INPP4B: variants seen among roughly 807,000 people sequenced by gnomAD.
INPP4B encodes inositol polyphosphate-4-phosphatase type II B, also known as inositol polyphosphate 4-phosphatase type II.
A neutral mutation model predicts 122.5 loss-of-function variants in INPP4B; 55 were observed. The observed-to-expected ratio is 0.45, with a 90% confidence interval of 0.36 to 0.56. INPP4B has a LOEUF of 0.56. Ranked by LOEUF, INPP4B falls within the 20% of genes least tolerant of loss-of-function variation. INPP4B has a pLI of 0.00. For missense variants in INPP4B, 1,000 were observed against 1,097.7 expected, an observed-to-expected ratio of 0.91 and a Z score of 1.26; for synonymous variants, 403 against 388.7, an observed-to-expected ratio of 1.04 and a Z score of -0.43.
At chr4:142,144,222 TACACACACACACACACACACACACAC>T (rs35496129) in intron 18 of INPP4B, among the ~76,000 whole-genome samples, 2 of 145,036 alleles carry the variant, frequency 1.4e-5, no homozygotes, top group Non-Finnish European at 3.0e-5. Flanking sequence ...AAATACAAGA[TACACACACACACACACACACACACAC>T]ACACACACAC....
chr4:142,382,556 C>A (rs1468392581), intron 7 of INPP4B, among the ~76,000 whole-genome samples: 2 of 114,396 alleles, frequency 1.7e-5, no homozygotes, highest in African/African-American at 4.1e-5. Flanking sequence ...TATATATTTA[C>A]ATTTATGTTT....
rs912709637 is a variant in INPP4B, at chr4:142,186,736, A to C, written c.1181+6351T>G. 5.3e-5 allele frequency among the ~76,000 whole-genome samples: 8 copies of C among 152,332 alleles called. 1 individual carries two copies. The South Asian group carries it at 1.7e-3, about 32-fold the overall frequency. On this transcript the variant is annotated intron_variant, in intron 15 of 25. Transcript: ENST00000262992. ...TTTTGTATACAGCTACAATGAAAAT[A>C]AAAAAGGAGGAAAAACTGCATTACA...
intron 2 of INPP4B, among the ~76,000 whole-genome samples, chr4:142,528,293 T>C (rs953119986): frequency 6.6e-6 from 1 of 152,094 alleles, no homozygotes; most frequent in Non-Finnish European, 1.5e-5. Flanking sequence ...CTGGCTCAAG[T>C]GCTTACAAGG....
At position 142,670,947 on chromosome 4, in the gene INPP4B, A is replaced by G. The variant is rs1416827373; in HGVS notation, c.-191+54892T>C. Among the ~76,000 whole-genome samples the G allele has an allele frequency of 3.9e-5, 6 of 152,068 alleles. No individual in the cohort carries two copies. In the East Asian group the frequency reaches 1.2e-3, roughly 29 times the overall value. ...TTTTATCTATTAATTTTTTTAAAGAAAGAGGGGAAGCTAGAAGCCTAGATA... is the reference window on the plus strand; with the variant it reads ...TTTTATCTATTAATTTTTTTAAAGAGAGAGGGGAAGCTAGAAGCCTAGATA... On this transcript the variant is annotated intron_variant, in intron 2 of 25. Coordinates refer to ENST00000262992, the MANE Select transcript of INPP4B (RefSeq NM_001101669.3).
intron 2 of INPP4B, among the ~76,000 whole-genome samples, chr4:142,518,545 T>A (rs1825697939): frequency 6.6e-6 from 1 of 152,126 alleles, no homozygotes; most frequent in Non-Finnish European, 1.5e-5. Flanking sequence ...GATTGTCACA[T>A]TCTGTTACAC....
At chr4:142,307,162 G>A (rs1579683292) in intron 8 of INPP4B, among the ~76,000 whole-genome samples, 1 of 152,130 alleles carries the variant, frequency 6.6e-6, no homozygotes, top group East Asian at 1.9e-4. Flanking sequence ...TATCAGCAAA[G>A]CATGCAGAAA....
chr4:142,450,086 G>A (rs1232086884), intron 3 of INPP4B, among the ~76,000 whole-genome samples: 1 of 152,084 alleles, frequency 6.6e-6, no homozygotes, highest in African/African-American at 2.4e-5. Context: ...CCTTGCCATA[G>A]AGCAGCCCCG....
chr4:142,655,426 C>G (rs1003354878), intron 2 of INPP4B, among the ~76,000 whole-genome samples: 2 of 152,170 alleles, frequency 1.3e-5, no homozygotes, highest in African/African-American at 4.8e-5. Flanking sequence ...TGGCCCAAGT[C>G]TAAGTAAAAG....
intron 15 of INPP4B, 22 bp downstream of exon 15, chr4:142,193,065 C>T (rs375740311): frequency 7.1e-7 from 1 of 1,407,244 alleles, no homozygotes; most frequent in Non-Finnish European, 1.0e-6. Flanking sequence ...GGAATCTGTG[C>T]TTTCCTCCTG....
At chr4:142,289,405 G>A (rs746085753) in intron 9 of INPP4B, among the ~76,000 whole-genome samples, 10 of 152,058 alleles carry the variant, frequency 6.6e-5, no homozygotes, top group African/African-American at 9.7e-5. Context: ...TCAAGGGTAC[G>A]TGTGCAGGAC....
intron 23 of INPP4B, 61 bp downstream of exon 23, chr4:142,108,032 T>C (rs1788034169): frequency 1.1e-6 from 1 of 872,496 alleles, no homozygotes; most frequent in Non-Finnish European, 1.9e-6. Flanking sequence ...ATGTCTGACC[T>C]CTTCTAAAGA....
At chr4:142,398,425 T>A (rs1457432079) in intron 7 of INPP4B, among the ~76,000 whole-genome samples, 59 of 102,758 alleles carry the variant, frequency 5.7e-4, no homozygotes, top group African/African-American at 1.8e-3. Flanking sequence ...TATATATATA[T>A]ATATATATAT....
Position 142,266,332 on chromosome 4 carries a change from C to A in INPP4B, c.615+4331G>T, listed in dbSNP as rs535408267. ...TTAATAACCTGATTTAAACCTTGGG[C>A]CTTCTTAAAATATTTTTATAATGTG... On this transcript the variant is annotated intron_variant, in intron 10 of 25. Coordinates refer to ENST00000262992, the MANE Select transcript of INPP4B (RefSeq NM_001101669.3). 2.0e-5 allele frequency among the ~76,000 whole-genome samples: 3 copies of A among 152,014 alleles called. No individual in the cohort carries two copies. The South Asian group carries it at 6.2e-4, about 32-fold the overall frequency.
chr4:142,104,263 C>T (rs773106266), intron 23 of INPP4B, among the ~76,000 whole-genome samples: 12 of 152,264 alleles, frequency 7.9e-5, no homozygotes, highest in South Asian at 2.1e-4. Context: ...ATGTATGAGA[C>T]GCAGTGGTGA....
chr4:142,822,510 C>A (rs1351242956), intron 1 of INPP4B, among the ~76,000 whole-genome samples: 1 of 152,232 alleles, frequency 6.6e-6, no homozygotes, highest in East Asian at 1.9e-4. Context: ...CATAGAAGTG[C>A]AAACCCTATT....
chr4:142,651,526 T>C (rs991623523), intron 2 of INPP4B, among the ~76,000 whole-genome samples: 1 of 152,068 alleles, frequency 6.6e-6, no homozygotes, highest in African/African-American at 2.4e-5. Flanking sequence ...CAATAAAAAC[T>C]GATAAAGGGG....
intron 2 of INPP4B, among the ~76,000 whole-genome samples, chr4:142,514,072 A>G (rs543858809): frequency 7.2e-5 from 11 of 152,298 alleles, no homozygotes; most frequent in Middle Eastern, 6.8e-3. Context: ...GCAATGTTTG[A>G]TATGAGAATG....
At chr4:142,029,064 TA>T in intron 25 of INPP4B, 150 bp from the exon 26 acceptor site, 6 of 1,401,046 alleles carry the variant, frequency 4.3e-6, no homozygotes, top group Non-Finnish European at 5.5e-6. Flanking sequence ...TGATACATCT[TA>T]CAAAATTAAA....
At chr4:142,055,072 A>G (rs936521373) in intron 25 of INPP4B, among the ~76,000 whole-genome samples, 1 of 152,090 alleles carries the variant, frequency 6.6e-6, no homozygotes, top group Non-Finnish European at 1.5e-5. Flanking sequence ...TGAAACTTCA[A>G]GATTCCTGAT....
Sources: gnomAD v4.1 joint callset for allele counts (sites outside exome capture counted in the v4.1 genomes callset) on GRCh38, gnomAD v4.1.1 for gene constraint, MANE v1.5 for transcripts, NCBI Gene and HGNC (gene_info 2026-07-23, HGNC 2026-07-21) for gene names.